NISCH: variants seen among roughly 807,000 people sequenced by gnomAD.
The protein encoded by NISCH is I-1 receptor candidate protein.
NISCH carries 55 observed loss-of-function variants against 138.4 expected under a neutral mutation model. The ratio of observed to expected loss-of-function variants is 0.40; its 90% confidence interval spans 0.32 to 0.50. The LOEUF is 0.50. Ranked by LOEUF, NISCH falls within the 20% of genes least tolerant of loss-of-function variation. The pLI is 0.71. For missense variants in NISCH, 1,643 were observed against 2,005.5 expected (o/e 0.82, Z 3.45); for synonymous variants, 860 against 861.5 (o/e 1.00, Z 0.03).
At chr3:52,478,625 A>G (rs1707175048) in intron 11 of NISCH, 48 bp downstream of exon 11, 2 of 1,570,560 alleles carry the variant, frequency 1.3e-6, no homozygotes, top group South Asian at 2.2e-5. Flanking sequence ...TTCGGGATGC[A>G]GTCAAGTCTG....
Position 52,492,259 on chromosome 3 carries a change from C to T in NISCH, c.4292C>T (p.Thr1431Ile). Residue 1431 changes from threonine (T) to isoleucine (I), a missense_variant, in exon 21 of 21, where the codon ACC becomes ATC. Transcript: ENST00000345716. ...TACCAGACCTACCCGCAGGCCCTCA[C>T]CCTCGTCTTCGATGACGTGCAAGGT... ...MGYQTYPQALTLVFDDVQGHD... is the reference protein window; with the variant it reads ...MGYQTYPQALILVFDDVQGHD... 2 of 1,613,282 alleles carry T rather than the reference C, an allele frequency of 1.2e-6. No homozygotes were observed. Among genetic ancestry groups the T allele is most frequent in the Non-Finnish European group, 8.5e-7 (1 of 1,180,032 alleles).
At chr3:52,477,551 C>G (rs375846299) in intron 8 of NISCH, 23 bp from the exon 9 acceptor site, 2 of 1,605,662 alleles carry the variant, frequency 1.2e-6, no homozygotes, top group Non-Finnish European at 1.7e-6. Flanking sequence ...ACAGTAACAT[C>G]GGGTGTTCTT....
At chr3:52,490,887 T>C (rs1322150981) in intron 19 of NISCH, 54 bp downstream of exon 19, 2 of 1,606,814 alleles carry the variant, frequency 1.2e-6, no homozygotes, top group East Asian at 4.5e-5. Context: ...GCATCACCAG[T>C]GGGCTTCCAC....
intron 7 of NISCH, among the ~76,000 whole-genome samples, chr3:52,474,290 T>G (rs1470921203): frequency 1.3e-5 from 2 of 151,726 alleles, no homozygotes; most frequent in Admixed American, 6.6e-5. Flanking sequence ...AGTTTTGTTT[T>G]TTGTTGTTGT....
chr3:52,458,913 A>G, intron 3 of NISCH, 69 bp downstream of exon 3: 2 of 1,393,034 alleles, frequency 1.4e-6, no homozygotes, highest in South Asian at 2.7e-5. Flanking sequence ...GCAGCAAACC[A>G]GGGGAGACCT....
chr3:52,462,232 C>T (rs1706655866), intron 3 of NISCH, among the ~76,000 whole-genome samples: 1 of 152,252 alleles, frequency 6.6e-6, no homozygotes, highest in African/African-American at 2.4e-5. Flanking sequence ...ATTAAACCCA[C>T]AGTTGATCAG....
intron 2 of NISCH, 135 bp from the exon 3 acceptor site, chr3:52,458,527 T>C (rs576745744): frequency 1.6e-6 from 1 of 639,474 alleles, no homozygotes; most frequent in African/African-American, 1.8e-5. Context: ...ACTAGTTTGG[T>C]CACTGATTTT....
At chr3:52,473,552 G>A (rs749716124) in intron 6 of NISCH, among the ~76,000 whole-genome samples, 182 bp from the exon 7 acceptor site, 1 of 152,214 alleles carries the variant, frequency 6.6e-6, no homozygotes, top group Non-Finnish European at 1.5e-5. Context: ...ATACTTCAGG[G>A]AATGTTTGGT....
rs1707522912 is a variant in NISCH at position 52,490,152 on chromosome 3, C to T, written c.3534C>T (p.Ala1178=). ...AGACCCCAGGGCTGGAGGTGACTGCCTGCGTGCTGCTCTCCACCAAGGCTG... is the reference window on the plus strand; with the variant it reads ...AGACCCCAGGGCTGGAGGTGACTGCTTGCGTGCTGCTCTCCACCAAGGCTG... ...FYQTPGLEVT[A]CVLLSTKAVY... is the part of the protein sequence containing the mutation. Residue 1178 remains alanine (A), a synonymous_variant, in exon 18 of 21, where the codon GCC becomes GCT. Coordinates refer to ENST00000345716, the MANE Select transcript of NISCH (RefSeq NM_007184.4). 2.5e-6 allele frequency: 4 copies of T among 1,613,622 alleles called. No individual in the cohort carries two copies. Among genetic ancestry groups the T allele is most frequent in the East Asian group, 2.2e-5 (1 of 44,884 alleles).
At chr3:52,477,456 G>A (rs933223257) in intron 8 of NISCH, 118 bp from the exon 9 acceptor site, 6 of 780,012 alleles carry the variant, frequency 7.7e-6, no homozygotes, top group Admixed American at 2.0e-5. Context: ...CTGCAGGGAC[G>A]GCCCGTGGGA....
At chr3:52,485,568 T>C (rs1707380206) in intron 14 of NISCH, among the ~76,000 whole-genome samples, 1 of 152,174 alleles carries the variant, frequency 6.6e-6, no homozygotes, top group Non-Finnish European at 1.5e-5. Context: ...CCCTGCTGTG[T>C]GCTGGTGGGA....
At chr3:52,458,874 C>G in intron 3 of NISCH, 30 bp downstream of exon 3, 1 of 1,554,826 alleles carries the variant, frequency 6.4e-7, no homozygotes. Context: ...TTCACCTGTG[C>G]CTGCAAACCC....
chr3:52,484,577 C>T lies in NISCH; in HGVS notation c.1593C>T (p.Pro531=), dbSNP rs202191902. ...SSLSSTDSLT[P]EHQPIAQGCS... ...TCTCGTCCACTGACAGTCTGACTCC[C>T]GAGCACCAGCCCATTGCCCAGGGAT... The change falls in exon 14 of 21, where the codon CCC becomes CCT. Residue 531 remains proline, a synonymous_variant. Transcript: ENST00000345716. The T allele has an allele frequency of 5.0e-5, 80 of 1,613,638 alleles. No homozygotes were observed. Among genetic ancestry groups the T allele is most frequent in the Admixed American group, 1.7e-4 (10 of 59,964 alleles).
intron 3 of NISCH, 29 bp from the exon 4 acceptor site, chr3:52,470,830 T>G (rs1322501188): frequency 6.2e-7 from 1 of 1,613,462 alleles, no homozygotes; most frequent in Non-Finnish European, 8.5e-7. Flanking sequence ...AGGTGGACTT[T>G]CTAAGGGCAA....
chr3:52,481,433 G>A, intron 13 of NISCH: 1 of 985,914 alleles, frequency 1.0e-6, no homozygotes, highest in African/African-American at 1.7e-5. Flanking sequence ...GCTTCTGTCA[G>A]ACTCTTGACT....
At chr3:52,483,650 A>T (rs1707333741) in intron 13 of NISCH, among the ~76,000 whole-genome samples, 1 of 152,200 alleles carries the variant, frequency 6.6e-6, no homozygotes, top group African/African-American at 2.4e-5. Context: ...GGGACTGTGG[A>T]TGTGGGCTCA....
Position 52,471,833 on chromosome 3 carries a change from C to T in NISCH, c.429C>T (p.Ala143=), listed in dbSNP as rs79469996. The T allele has an allele frequency of 8.4e-5, 136 of 1,613,958 alleles. 2 individuals are homozygous for T. In the East Asian group the frequency reaches 2.1e-3, roughly 25 times the overall value. The change falls in exon 5 of 21, where the codon GCC becomes GCT. Residue 143 remains alanine, a synonymous_variant. Coordinates refer to ENST00000345716, the MANE Select transcript of NISCH (RefSeq NM_007184.4). The part of the protein sequence containing the change: ...LFEKGEQLLG[A]GEVFAIGPLQ... Reference sequence around the variant, plus strand: ...TTGCAGGAGAACAGCTCCTGGGGGCCGGCGAGGTCTTTGCCATTGGACCCC... The same window carrying T: ...TTGCAGGAGAACAGCTCCTGGGGGCTGGCGAGGTCTTTGCCATTGGACCCC...
intron 3 of NISCH, among the ~76,000 whole-genome samples, chr3:52,459,849 A>C (rs148061664): frequency 3.9e-5 from 6 of 152,026 alleles, no homozygotes; most frequent in Non-Finnish European, 8.8e-5. Context: ...GTAACAAAAT[A>C]GTAAGGACAA....
chr3:52,472,439 CAG>C (rs752071884), intron 6 of NISCH, 41 bp downstream of exon 6: 4 of 1,524,558 alleles, frequency 2.6e-6, no homozygotes, highest in Non-Finnish European at 3.6e-6. Context: ...GCTCCCAACT[CAG>C]AGGCTAGAGA....
Sources: gnomAD v4.1 joint callset for allele counts (sites outside exome capture counted in the v4.1 genomes callset) on GRCh38, gnomAD v4.1.1 for gene constraint, MANE v1.5 for transcripts, NCBI Gene and HGNC (gene_info 2026-07-23, HGNC 2026-07-21) for gene names.